MAPK6: variants seen among roughly 807,000 people sequenced by gnomAD.
MAPK6 encodes mitogen-activated protein kinase 6.
A neutral mutation model predicts 59.3 loss-of-function variants in MAPK6; 19 were observed. That is an observed-to-expected ratio of 0.32 (90% CI 0.22 to 0.47). The LOEUF (loss-of-function observed/expected upper bound fraction) is 0.47. Ranked by LOEUF, MAPK6 falls within the 20% of genes least tolerant of loss-of-function variation. The probability of loss-of-function intolerance (pLI) is 1.00; values close to 1 mark genes in which losing one functional copy is unlikely to be tolerated. For synonymous variants in MAPK6, 316 were observed against 290.3 expected (o/e 1.09, Z -0.90); for missense variants, 724 against 847.9 (o/e 0.85, Z 1.81).
At chr15:51,977,653 C>T (rs1360289556) in intron 1 of MAPK6, among the ~76,000 whole-genome samples, 3 of 151,842 alleles carry the variant, frequency 2.0e-5, no homozygotes, top group Admixed American at 6.6e-5. Flanking sequence ...CCTCCCACCT[C>T]GGCCTCCTGA....
intron 1 of MAPK6, among the ~76,000 whole-genome samples, chr15:52,034,970 G>T (rs1421715118): frequency 1.3e-5 from 2 of 151,582 alleles, no homozygotes. Flanking sequence ...CCAAAGTGCT[G>T]GAATTGCAGG....
intron 1 of MAPK6, chr15:52,027,618 T>A (rs1480051682): frequency 7.8e-5 from 1 of 12,800 alleles, no homozygotes; most frequent in Non-Finnish European, 4.0e-4. Flanking sequence ...TTAATCTTAA[T>A]TTTTTTTTTT....
At chr15:52,062,430 A>T (rs1338642469) in intron 5 of MAPK6, among the ~76,000 whole-genome samples, 1 of 152,208 alleles carries the variant, frequency 6.6e-6, no homozygotes, top group Admixed American at 6.5e-5. Flanking sequence ...GTATAATGTT[A>T]TCCATATTTT....
chr15:52,001,656 G>A (rs1395182239), intron 2 of MAPK6, among the ~76,000 whole-genome samples: 3 of 151,926 alleles, frequency 2.0e-5, no homozygotes, highest in Admixed American at 6.6e-5. Context: ...CTACAGGCAC[G>A]AGTCACCACA....
At chr15:51,983,339 A>G (rs1439301179) in intron 2 of MAPK6, among the ~76,000 whole-genome samples, 6 of 151,852 alleles carry the variant, frequency 4.0e-5, no homozygotes, top group Non-Finnish European at 7.4e-5. Context: ...ATACAAAATT[A>G]GCTGGAAGTG....
At chr15:52,052,188 A>T (rs1195069762) in intron 3 of MAPK6, among the ~76,000 whole-genome samples, 1 of 152,176 alleles carries the variant, frequency 6.6e-6, no homozygotes, top group Non-Finnish European at 1.5e-5. Context: ...GATGTTGGTA[A>T]GGGCAGCAGT....
chr15:52,054,779 T>C lies in MAPK6; in HGVS notation c.701-3854T>C, dbSNP rs57473590. On this transcript the variant is annotated intron_variant, in intron 3 of 5. Coordinates refer to ENST00000261845, the MANE Select transcript of MAPK6 (RefSeq NM_002748.4). ...ACACATACATAGATACACACATACA[T>C]ATATATATAATTTTTTTTTTCCGAG... Among the ~76,000 whole-genome samples the C allele has an allele frequency of 9.3e-3, 1,386 of 148,414 alleles. 27 individuals carry two copies. Among genetic ancestry groups the C allele is most frequent in the African/African-American group, 0.034 (1,342 of 39,792 alleles).
intron 1 of MAPK6, among the ~76,000 whole-genome samples, chr15:52,022,777 A>G (rs1595977295): frequency 5.3e-5 from 8 of 152,210 alleles, no homozygotes; most frequent in Admixed American, 5.2e-4. Context: ...CATTGTTTTC[A>G]AATATAGGTA....
Position 52,064,180 on chromosome 15 carries a change from G to A in MAPK6, c.1346G>A (p.Arg449Lys). The A allele has an allele frequency of 6.2e-7, 1 of 1,612,746 alleles. No homozygotes were observed. The highest frequency in any genetic ancestry group is 8.5e-7 in the Non-Finnish European group (1 of 1,179,706). ...ECSHTCNYKT[R>K]SSSYLDNLVW... Reference sequence around the variant, plus strand: ...AGCCATACTTGTAACTACAAAACGAGGTCATCATCATATTTAGATAACTTA... The same window carrying A: ...AGCCATACTTGTAACTACAAAACGAAGTCATCATCATATTTAGATAACTTA... The change falls in exon 6 of 6, where the codon AGG becomes AAG. Residue 449 changes from arginine (R) to lysine (K), a missense_variant. Arg to Lys is a conservative substitution (Grantham distance 26, BLOSUM62 2). Coordinates refer to ENST00000261845, the MANE Select transcript of MAPK6 (RefSeq NM_002748.4).
rs190636062 is a variant in MAPK6 at position 51,984,686 on chromosome 15, C to T, written c.-770+1371C>T. On this transcript the variant is annotated intron_variant, in intron 2 of 7. Transcript: ENST00000691380. ...AGTAAAAGCTTAACAACCAGTTCTC[C>T]GGGGGGGAAGAAAAGCCCTGATATG... 5.8e-3 allele frequency among the ~76,000 whole-genome samples: 875 copies of T among 151,544 alleles called. 11 individuals are homozygous for T. The highest frequency in any genetic ancestry group is 0.02 in the African/African-American group (840 of 41,276).
intron 1 of MAPK6, among the ~76,000 whole-genome samples, chr15:51,977,756 C>T (rs1033282650): frequency 2.0e-5 from 3 of 151,672 alleles, no homozygotes; most frequent in East Asian, 1.9e-4. Context: ...AGAATGACTT[C>T]GAACTCCTGG....
intron 1 of MAPK6, among the ~76,000 whole-genome samples, chr15:52,037,664 T>C (rs1164157137): frequency 6.6e-6 from 1 of 152,216 alleles, no homozygotes; most frequent in African/African-American, 2.4e-5. Context: ...ACCTGTGCAT[T>C]CGCATAGAGT....
intron 2 of MAPK6, among the ~76,000 whole-genome samples, chr15:51,990,034 C>T (rs1364787223): frequency 6.6e-6 from 1 of 152,212 alleles, no homozygotes; most frequent in South Asian, 2.1e-4. Flanking sequence ...ATTGTTTTGG[C>T]TACTAAACAC....
intron 1 of MAPK6, among the ~76,000 whole-genome samples, chr15:51,980,162 G>A (rs1172286467): frequency 6.6e-6 from 1 of 151,258 alleles, no homozygotes; most frequent in African/African-American, 2.4e-5. Context: ...GGGCGTGGTG[G>A]CGGGCACCTG....
At chr15:52,033,542 C>T (rs1226649013) in intron 1 of MAPK6, among the ~76,000 whole-genome samples, 1 of 152,194 alleles carries the variant, frequency 6.6e-6, no homozygotes, top group African/African-American at 2.4e-5. Context: ...GGGGGTTCTC[C>T]AGCCTTCAGC....
chr15:52,008,702 C>A (rs535000505), intron 3 of MAPK6, among the ~76,000 whole-genome samples: 2 of 152,140 alleles, frequency 1.3e-5, no homozygotes, highest in Non-Finnish European at 2.9e-5. Flanking sequence ...TCCTTTTGCA[C>A]GCAGGGCCCT....
intron 3 of MAPK6, among the ~76,000 whole-genome samples, chr15:52,014,142 C>T (rs1000160156): frequency 1.1e-4 from 16 of 151,932 alleles, no homozygotes; most frequent in African/African-American, 3.1e-4. Context: ...CTGATGTCCC[C>T]GGTTCTTATC....
upstream of MAPK6, among the ~76,000 whole-genome samples, chr15:52,014,491 CACTTGAGCTT>C (rs2030176212): frequency 6.6e-6 from 1 of 152,032 alleles, no homozygotes; most frequent in Non-Finnish European, 1.5e-5. Flanking sequence ...GCAGGAGGAT[CACTTGAGCTT>C]AGGAGTTGGA....
At chr15:52,061,591 T>G in intron 5 of MAPK6, 91 bp downstream of exon 5, 1 of 955,308 alleles carries the variant, frequency 1.0e-6, no homozygotes. Context: ...TATAAGACAT[T>G]GTAGAAGTCT....
Sources: gnomAD v4.1 joint callset for allele counts (sites outside exome capture counted in the v4.1 genomes callset) on GRCh38, gnomAD v4.1.1 for gene constraint, MANE v1.5 for transcripts, NCBI Gene and HGNC (gene_info 2026-07-23, HGNC 2026-07-21) for gene names.